Variants in KCNN2 observed in about 807,000 individuals in gnomAD.
KCNN2 encodes the protein small conductance calcium-activated potassium channel protein 2.
Under a neutral mutation model 55.5 loss-of-function variants are expected in KCNN2, and 24 were observed. The observed-to-expected ratio is 0.43, with a 90% CI of 0.31 to 0.61. The LOEUF is 0.61. Among genes scored for constraint, KCNN2 ranks in the 20% least tolerant of loss-of-function variants. KCNN2 has a pLI of 0.08. For missense variants in KCNN2, 754 were observed against 853.6 expected, an observed-to-expected ratio of 0.88 and a Z score of 1.45; for synonymous variants, 431 against 336.1, an observed-to-expected ratio of 1.28 and a Z score of -3.09.
chr5:114,421,299 A>G (rs1759464274), intron 3 of KCNN2, among the ~76,000 whole-genome samples: 2 of 151,066 alleles, frequency 1.3e-5, no homozygotes, highest in Non-Finnish European at 2.9e-5. Context: ...TTTATTTTTT[A>G]AACATTTTTG....
At chr5:114,407,974 G>C (rs976338148) in intron 3 of KCNN2, among the ~76,000 whole-genome samples, 5 of 152,192 alleles carry the variant, frequency 3.3e-5, no homozygotes, top group African/African-American at 1.2e-4. Context: ...GAGGACATCT[G>C]TGTGTCTAAC....
chr5:114,344,087 A>G (rs1456114469), intron 2 of KCNN2, among the ~76,000 whole-genome samples: 1 of 152,232 alleles, frequency 6.6e-6, no homozygotes, highest in Non-Finnish European at 1.5e-5. Context: ...TTTAGCCTGC[A>G]GAAGTGCTGA....
At chr5:114,075,835 C>A (rs2112532645) in intron 1 of KCNN2, among the ~76,000 whole-genome samples, 1 of 152,268 alleles carries the variant, frequency 6.6e-6, no homozygotes, top group African/African-American at 2.4e-5. Flanking sequence ...TGTTGAGAAG[C>A]CTGGACCAGC....
intron 2 of KCNN2, among the ~76,000 whole-genome samples, chr5:114,279,625 T>G (rs1755577257): frequency 1.3e-5 from 2 of 152,202 alleles, no homozygotes; most frequent in African/African-American, 4.8e-5. Flanking sequence ...GCAAAGGACA[T>G]GAACTCATCC....
At position 114,169,285 on chromosome 5, in the gene KCNN2, C is replaced by A. The variant is rs141207501; in HGVS notation, c.-270-52195C>A. On this transcript the variant is annotated intron_variant, in intron 1 of 10. Transcript: ENST00000512097. The stretch of plus-strand genomic sequence containing the variant: ...CAATGTCAATGTCAAATGGGAGCTT[C>A]TCATTGTAACCTAGTTCACTTGGCT... Among the ~76,000 whole-genome samples, 1,139 of 152,180 alleles carry A rather than the reference C, an allele frequency of 7.5e-3. 9 individuals carry two copies. The highest frequency in any genetic ancestry group is 0.012 in the Non-Finnish European group (845 of 67,988).
intron 1 of KCNN2, among the ~76,000 whole-genome samples, chr5:114,212,073 A>G (rs1449742012): frequency 2.0e-5 from 3 of 151,962 alleles, no homozygotes; most frequent in Non-Finnish European, 2.9e-5. Context: ...TAATTCGATA[A>G]CTATGTCAGT....
chr5:114,476,127 G>A (rs969123139), intron 5 of KCNN2, among the ~76,000 whole-genome samples: 8 of 151,280 alleles, frequency 5.3e-5, no homozygotes, highest in Non-Finnish European at 8.8e-5. Flanking sequence ...ATGCTGGTGC[G>A]CTGCACCCAC....
chr5:114,078,578 A>G (rs145094607), intron 1 of KCNN2, among the ~76,000 whole-genome samples: 2 of 152,322 alleles, frequency 1.3e-5, no homozygotes, highest in African/African-American at 2.4e-5. Flanking sequence ...GCAGAAGGAT[A>G]AATCAGTTCC....
rs539223810 is a variant in KCNN2, at chr5:114,291,558, A to G, written c.-184-69387A>G. 4.7e-4 allele frequency among the ~76,000 whole-genome samples: 71 copies of G among 152,062 alleles called. 1 individual carries two copies. The highest frequency in any genetic ancestry group is 1.4e-3 in the African/African-American group (59 of 41,326). On this transcript the variant is annotated intron_variant, in intron 2 of 10. Coordinates refer to the KCNN2 transcript ENST00000512097. ...GGCTGCATAGTATGCCATGGTGTAT[A>G]TGTGCCACATTTTCCTAATCCAGTC...
intron 2 of KCNN2, among the ~76,000 whole-genome samples, chr5:114,378,692 C>T (rs1758014576): frequency 6.6e-6 from 1 of 152,068 alleles, no homozygotes; most frequent in Admixed American, 6.5e-5. Flanking sequence ...GCAGTATGGG[C>T]AGTATGTTTG....
At chr5:114,141,558 T>C (rs1043941312) in intron 1 of KCNN2, among the ~76,000 whole-genome samples, 1 of 152,170 alleles carries the variant, frequency 6.6e-6, no homozygotes, top group Non-Finnish European at 1.5e-5. Context: ...TGGTTCCAAG[T>C]CTTTGCTATT....
intron 1 of KCNN2, among the ~76,000 whole-genome samples, chr5:114,185,346 C>A (rs1326495511): frequency 6.6e-6 from 1 of 152,194 alleles, no homozygotes; most frequent in South Asian, 2.1e-4. Flanking sequence ...TTATAGACAA[C>A]ATGAAAATCT....
At chr5:114,484,839 T>G (rs1256545392) in intron 5 of KCNN2, among the ~76,000 whole-genome samples, 1 of 152,156 alleles carries the variant, frequency 6.6e-6, no homozygotes, top group Non-Finnish European at 1.5e-5. Flanking sequence ...TAGAAGTTTT[T>G]AAAAGCAGCT....
chr5:114,139,159 A>T (rs1752225487), intron 1 of KCNN2, among the ~76,000 whole-genome samples: 1 of 152,252 alleles, frequency 6.6e-6, no homozygotes. Context: ...CTGTTATTTG[A>T]TTCCTAATTT....
intron 2 of KCNN2, among the ~76,000 whole-genome samples, chr5:114,334,470 GAT>G (rs1561575192): frequency 6.6e-6 from 1 of 151,788 alleles, no homozygotes; most frequent in Non-Finnish European, 1.5e-5. Flanking sequence ...TGTATATATA[GAT>G]ATATATACAC....
chr5:114,431,008 T>G (rs897930034), intron 3 of KCNN2, among the ~76,000 whole-genome samples: 1 of 152,134 alleles, frequency 6.6e-6, no homozygotes, highest in African/African-American at 2.4e-5. Context: ...TTTTGAGGAT[T>G]TTTGCATCTA....
chr5:114,094,262 GT>G (rs1342350439), intron 1 of KCNN2, among the ~76,000 whole-genome samples: 1 of 151,954 alleles, frequency 6.6e-6, no homozygotes, highest in Non-Finnish European at 1.5e-5. Context: ...GCCAGATTCT[GT>G]TTTTTTCAGG....
intron 2 of KCNN2, among the ~76,000 whole-genome samples, chr5:114,399,886 G>A (rs1011966140): frequency 1.4e-5 from 2 of 146,936 alleles, no homozygotes; most frequent in Non-Finnish European, 3.0e-5. Context: ...TCTAGCCTGT[G>A]TGCATAGAGA....
intron 3 of KCNN2, among the ~76,000 whole-genome samples, chr5:114,427,553 A>C (rs1302034503): frequency 6.6e-6 from 1 of 152,236 alleles, no homozygotes; most frequent in African/African-American, 2.4e-5. Flanking sequence ...CCCAGTGTTT[A>C]TAGAATTTGT....
Sources: gnomAD v4.1 joint callset for allele counts (sites outside exome capture counted in the v4.1 genomes callset) on GRCh38, gnomAD v4.1.1 for gene constraint, MANE v1.5 for transcripts, NCBI Gene and HGNC (gene_info 2026-07-23, HGNC 2026-07-21) for gene names.